The following GRAMD4 variants were observed in gnomAD, a reference collection of about 807,000 sequenced individuals.
GRAMD4 encodes the protein GRAM domain-containing protein 4.
A neutral mutation model predicts 83.9 loss-of-function variants in GRAMD4; 25 were observed. The ratio of observed to expected loss-of-function variants is 0.30; its 90% CI spans 0.22 to 0.42. GRAMD4 has a LOEUF of 0.42. Among genes scored for constraint, GRAMD4 ranks in the 10% least tolerant of loss-of-function variants. The pLI is 1.00. For synonymous variants in GRAMD4, 336 were observed against 320.9 expected (o/e 1.05, Z -0.50); for missense variants, 593 against 788.7 (o/e 0.75, Z 2.97).
intron 1 of GRAMD4, among the ~76,000 whole-genome samples, chr22:46,584,565 C>A (rs2081129437): frequency 6.6e-6 from 1 of 152,146 alleles, no homozygotes; most frequent in Admixed American, 6.5e-5. Flanking sequence ...ATTGTTAGTA[C>A]CGGTGTGTCT....
intron 1 of GRAMD4, among the ~76,000 whole-genome samples, chr22:46,614,723 C>T (rs574341522): frequency 5.9e-5 from 9 of 152,094 alleles, no homozygotes; most frequent in East Asian, 1.9e-4. Flanking sequence ...AGATACGTGC[C>T]GCAGGTAGTA....
Position 46,614,389 on chromosome 22 carries a change from G to A in GRAMD4, c.-49-12362G>A, listed in dbSNP as rs1281981310. ...TGAAGCTAAAAATTGTGTGAGGTCTGTAGCCGTTCATTACGAATGGCGTAA... is the reference window on the plus strand; with the variant it reads ...TGAAGCTAAAAATTGTGTGAGGTCTATAGCCGTTCATTACGAATGGCGTAA... On this transcript the variant is annotated intron_variant, in intron 1 of 1. Coordinates refer to the GRAMD4 transcript ENST00000431155. 5.9e-5 allele frequency among the ~76,000 whole-genome samples: 9 copies of A among 152,236 alleles called. 1 individual carries two copies. The highest frequency in any genetic ancestry group is 5.9e-4 in the Admixed American group (9 of 15,290).
chr22:46,678,156 G>A lies in GRAMD4; in HGVS notation c.*905G>A. ...GAGCACTGTGGCATGTCTGGCACATGGCCCCCAGGCTGCGGTTGCCTGGGT... is the reference window on the plus strand; with the variant it reads ...GAGCACTGTGGCATGTCTGGCACATAGCCCCCAGGCTGCGGTTGCCTGGGT... On this transcript the variant is annotated 3_prime_UTR_variant, in exon 19 of 19. Transcript: ENST00000406902. 2.0e-6 allele frequency: 2 copies of A among 985,602 alleles called. No homozygotes were observed. The highest frequency in any genetic ancestry group is 2.4e-6 in the Non-Finnish European group (2 of 830,046). 61.1% of individuals were successfully genotyped at this position (985,602 alleles called of 1,614,324 possible).
chr22:46,589,797 C>T (rs1378045578), intron 1 of GRAMD4, among the ~76,000 whole-genome samples: 2 of 152,176 alleles, frequency 1.3e-5, no homozygotes, highest in African/African-American at 4.8e-5. Context: ...GCTTTGTGTG[C>T]ACCCTGAGGC....
intron 1 of GRAMD4, among the ~76,000 whole-genome samples, chr22:46,588,289 C>T (rs1437989378): frequency 6.6e-6 from 1 of 152,128 alleles, no homozygotes; most frequent in Non-Finnish European, 1.5e-5. Flanking sequence ...GCCAGTAGGT[C>T]AGGAGGGGCA....
chr22:46,597,769 A>G (rs536783873), intron 1 of GRAMD4, among the ~76,000 whole-genome samples: 69 of 152,304 alleles, frequency 4.5e-4, no homozygotes, highest in East Asian at 4.2e-3. Context: ...GATTACAGGC[A>G]TGAGCTACCA....
rs144554786 is a variant in GRAMD4 at position 46,580,273 on chromosome 22, C to T, written c.-50+2983C>T. 3.0e-3 allele frequency among the ~76,000 whole-genome samples: 462 copies of T among 152,316 alleles called. 3 individuals are homozygous for T. The highest frequency in any genetic ancestry group is 0.01 in the African/African-American group (436 of 41,546). On this transcript the variant is annotated intron_variant, in intron 1 of 1. Coordinates refer to the GRAMD4 transcript ENST00000431155. Reference sequence around the variant, plus strand: ...GAGATGGTCATCTGCTGGGCGCCTCCGAGGCCAAGTGGACCACTCACAGTG... The same window carrying T: ...GAGATGGTCATCTGCTGGGCGCCTCTGAGGCCAAGTGGACCACTCACAGTG...
rs2082635329 is a variant in GRAMD4, at chr22:46,678,765, C to T, written c.*1514C>T. 19 of 985,880 alleles carry T rather than the reference C, an allele frequency of 1.9e-5. No individual in the cohort carries two copies. The highest frequency in any genetic ancestry group is 1.7e-5 in the African/African-American group (1 of 57,246). 61.1% of individuals were successfully genotyped at this position (985,880 alleles called of 1,614,324 possible). ...TTGCTGGTGTGGGTGAGGGATCCGGCGGCATGGGCTGGTTTCACCCCCTTC... is the reference window on the plus strand; with the variant it reads ...TTGCTGGTGTGGGTGAGGGATCCGGTGGCATGGGCTGGTTTCACCCCCTTC... On this transcript the variant is annotated 3_prime_UTR_variant, in exon 19 of 19. Transcript: ENST00000406902.
chr22:46,655,600 C>T (rs4599232), intron 3 of GRAMD4, among the ~76,000 whole-genome samples: 47,491 of 152,070 alleles, frequency 0.31, 7,602 homozygotes, highest in Middle Eastern at 0.42. Flanking sequence ...GCCAGCCGGC[C>T]GCCCAGAGAG....
chr22:46,664,083 G>C lies in GRAMD4; in HGVS notation c.683G>C (p.Trp228Ser). The C allele has an allele frequency of 6.2e-7, 1 of 1,613,438 alleles. No homozygotes were observed. The change falls in exon 8 of 19, where the codon TGG becomes TCG. Residue 228 changes from tryptophan (W) to serine (S), a missense_variant. This residue lies in a region of GRAMD4 where 312 missense variants were observed against 350.7 expected (regional missense o/e 0.89). Coordinates refer to ENST00000406902, the MANE Select transcript of GRAMD4 (RefSeq NM_015124.5). ...FVKNLSALSD[W>S]YSVYTSAIAF... ...AAGAACCTCTCTGCCTTATCCGACT[G>C]GTACTCCGTCTACACGTCTGCCATT...
chr22:46,607,772 C>G (rs753264657), intron 1 of GRAMD4, among the ~76,000 whole-genome samples: 1 of 152,122 alleles, frequency 6.6e-6, no homozygotes, highest in Non-Finnish European at 1.5e-5. Flanking sequence ...ACCACAGCCT[C>G]TCTGCTCCCA....
chr22:46,665,159 C>A (rs560212184), intron 8 of GRAMD4, among the ~76,000 whole-genome samples: 1 of 152,372 alleles, frequency 6.6e-6, no homozygotes, highest in East Asian at 1.9e-4. Context: ...TCACCTCCAT[C>A]CCCTGCCCTG....
chr22:46,617,130 G>T (rs542130365), upstream of GRAMD4, among the ~76,000 whole-genome samples: 10 of 146,960 alleles, frequency 6.8e-5, no homozygotes, highest in African/African-American at 2.6e-4. Context: ...TCCCCCATGT[G>T]TAGGTTCCCC....
intron 6 of GRAMD4, 65 bp from the exon 7 acceptor site, chr22:46,663,773 A>G: frequency 6.6e-7 from 1 of 1,516,748 alleles, no homozygotes; most frequent in South Asian, 1.1e-5. Context: ...GGAACCGGGC[A>G]GTGGGGACTG....
intron 1 of GRAMD4, among the ~76,000 whole-genome samples, chr22:46,583,357 A>G (rs144761136): frequency 6.6e-6 from 1 of 152,364 alleles, no homozygotes; most frequent in African/African-American, 2.4e-5. Context: ...TAGGTTTGTT[A>G]CAATCCATGG....
intron 3 of GRAMD4, among the ~76,000 whole-genome samples, chr22:46,657,015 C>T (rs1161660777): frequency 6.6e-6 from 1 of 152,214 alleles, no homozygotes; most frequent in African/African-American, 2.4e-5. Flanking sequence ...TGACCCTCAG[C>T]TGGGTTCTGC....
chr22:46,677,797 C>T lies in GRAMD4; in HGVS notation c.*546C>T. On this transcript the variant is annotated 3_prime_UTR_variant, in exon 19 of 19. Coordinates refer to ENST00000406902, the MANE Select transcript of GRAMD4 (RefSeq NM_015124.5). ...CCTCCTTCCTCTTACATGAGACCCT[C>T]CTGTGGCATTTGCCCTTGGTGCCGG... 3.0e-6 allele frequency: 3 copies of T among 985,774 alleles called. No individual in the cohort carries two copies. The highest frequency in any genetic ancestry group is 3.6e-6 in the Non-Finnish European group (3 of 830,150). 61.1% of individuals were successfully genotyped at this position (985,774 alleles called of 1,614,324 possible).
At chr22:46,676,729 C>A in intron 18 of GRAMD4, 61 bp downstream of exon 18, 1 of 1,438,462 alleles carries the variant, frequency 7.0e-7, no homozygotes, top group South Asian at 1.2e-5. Flanking sequence ...TGACTCTGAG[C>A]AACCCTGGGA....
rs181255846 is a variant in GRAMD4, at chr22:46,601,606, G to T, written c.-50+24316G>T. 2.0e-3 allele frequency among the ~76,000 whole-genome samples: 309 copies of T among 152,148 alleles called. 6 individuals are homozygous for T. The highest frequency in any genetic ancestry group is 7.1e-3 in the African/African-American group (296 of 41,518). On this transcript the variant is annotated intron_variant, in intron 1 of 1. Coordinates refer to the GRAMD4 transcript ENST00000431155. ...GAGGTCAGGAGTTCGAGACCAGTCT[G>T]GCAACACGGTGAAACCCCATCTCTA...
Sources: allele counts gnomAD v4.1 joint callset (sites outside exome capture counted in the v4.1 genomes callset), GRCh38; gene constraint gnomAD v4.1.1; regional missense constraint gnomAD v4.1.1; transcripts MANE v1.5; gene names NCBI Gene and HGNC (gene_info 2026-07-23, HGNC 2026-07-21).